Variants in CSMD1 observed in about 807,000 individuals in gnomAD.
The protein encoded by CSMD1 is CUB and sushi domain-containing protein 1.
A neutral mutation model predicts 417.5 loss-of-function variants in CSMD1; 213 were observed. The ratio of observed to expected loss-of-function variants is 0.51; its 90% CI spans 0.46 to 0.57. The LOEUF (loss-of-function observed/expected upper bound fraction) is 0.57. Among genes scored for constraint, CSMD1 ranks in the 20% least tolerant of loss-of-function variants. The pLI, the probability that CSMD1 is intolerant of heterozygous loss-of-function variation, is 0.00. For synonymous variants in CSMD1, 2,862 were observed against 1,736.8 expected, an observed-to-expected ratio of 1.65 and a Z score of -16.11; for missense variants, 6,923 against 4,529.7, an observed-to-expected ratio of 1.53 and a Z score of -15.17.
At chr8:4,810,760 A>C (rs1798851134) in intron 1 of CSMD1, among the ~76,000 whole-genome samples, 1 of 152,236 alleles carries the variant, frequency 6.6e-6, no homozygotes, top group African/African-American at 2.4e-5. Context: ...GAAATAATTG[A>C]AAAAGCTGAA....
chr8:4,680,259 T>G (rs1198467881), intron 1 of CSMD1, among the ~76,000 whole-genome samples: 3 of 152,190 alleles, frequency 2.0e-5, no homozygotes, highest in Non-Finnish European at 2.9e-5. Flanking sequence ...CAAAAATACA[T>G]GTTATGTTAT....
chr8:4,363,161 T>A (rs887562765), intron 3 of CSMD1, among the ~76,000 whole-genome samples: 2 of 152,220 alleles, frequency 1.3e-5, no homozygotes, highest in African/African-American at 4.8e-5. Flanking sequence ...GTTTCAAACA[T>A]ACCTAAACAG....
chr8:3,797,723 A>G (rs570071756), intron 5 of CSMD1, among the ~76,000 whole-genome samples: 208 of 152,082 alleles, frequency 1.4e-3, no homozygotes, highest in Admixed American at 2.6e-3. Flanking sequence ...GCTGCTATAC[A>G]TATTCTTATA....
At chr8:3,548,794 C>A (rs76916776) in intron 10 of CSMD1, among the ~76,000 whole-genome samples, 9,540 of 151,836 alleles carry the variant, frequency 0.063, 626 homozygotes, top group African/African-American at 0.16. Context: ...TAACCACCTT[C>A]TCAGGTTTCT....
intron 4 of CSMD1, among the ~76,000 whole-genome samples, chr8:4,024,914 T>C (rs1259008021): frequency 1.3e-5 from 2 of 150,594 alleles, no homozygotes; most frequent in Non-Finnish European, 3.0e-5. Flanking sequence ...AATGAAAGCA[T>C]GTAAAAAGGT....
At chr8:3,769,781 A>G (rs1017588197) in intron 5 of CSMD1, among the ~76,000 whole-genome samples, 4 of 152,144 alleles carry the variant, frequency 2.6e-5, no homozygotes, top group African/African-American at 4.8e-5. Flanking sequence ...TCACAGTCTC[A>G]TAAGTTTTAT....
chr8:3,790,109 G>C (rs985243765), intron 5 of CSMD1, among the ~76,000 whole-genome samples: 1 of 152,166 alleles, frequency 6.6e-6, no homozygotes, highest in Non-Finnish European at 1.5e-5. Context: ...GAAAGTGTTA[G>C]CTGCTTATAG....
At chr8:4,685,659 A>C (rs1171084059) in intron 1 of CSMD1, among the ~76,000 whole-genome samples, 1 of 152,238 alleles carries the variant, frequency 6.6e-6, no homozygotes, top group Non-Finnish European at 1.5e-5. Context: ...GAAACTTCAC[A>C]GGAAACAAAA....
chr8:4,365,535 A>G (rs1485977773), intron 3 of CSMD1, among the ~76,000 whole-genome samples: 5 of 152,228 alleles, frequency 3.3e-5, no homozygotes, highest in African/African-American at 1.2e-4. Flanking sequence ...TCCCTGTGAT[A>G]TCAGAGACAG....
At chr8:4,003,997 G>T (rs1053396136) in intron 4 of CSMD1, among the ~76,000 whole-genome samples, 14 of 151,908 alleles carry the variant, frequency 9.2e-5, no homozygotes, top group African/African-American at 3.4e-4. Flanking sequence ...GAAAATATAT[G>T]ATCAACTAAA....
At chr8:4,308,567 G>A (rs1387706634) in intron 3 of CSMD1, among the ~76,000 whole-genome samples, 2 of 152,190 alleles carry the variant, frequency 1.3e-5, no homozygotes, top group African/African-American at 4.8e-5. Context: ...ATATCTTCCT[G>A]TGCTCTTACA....
At chr8:3,487,333 A>G (rs62474229) in intron 11 of CSMD1, among the ~76,000 whole-genome samples, 27,593 of 151,740 alleles carry the variant, frequency 0.18, 2,512 homozygotes, top group East Asian at 0.23. Context: ...TCCCAAGTAG[A>G]TGGGACTACA....
At chr8:3,224,686 A>C (rs1479649792) in intron 27 of CSMD1, among the ~76,000 whole-genome samples, 1 of 152,210 alleles carries the variant, frequency 6.6e-6, no homozygotes, top group Non-Finnish European at 1.5e-5. Flanking sequence ...GAAGTCATCA[A>C]TTTTGAATTA....
intron 2 of CSMD1, among the ~76,000 whole-genome samples, chr8:4,568,978 ATTTG>A (rs1331196360): frequency 2.0e-5 from 3 of 151,984 alleles, no homozygotes; most frequent in Admixed American, 2.0e-4. Flanking sequence ...TTTCTTGTAA[ATTTG>A]TTTAAGTTCC....
At chr8:3,709,678 A>ATCTTTTTTTTTTTTTTTTTTTTTTTTTTT (rs1563296488) in intron 6 of CSMD1, among the ~76,000 whole-genome samples, 1 of 24,322 alleles carries the variant, frequency 4.1e-5, no homozygotes. Flanking sequence ...TTGCAGCAGC[A>ATCTTTTTTTTTTTTTTTTTTTTTTTTTTT]TGTTTTTTTT....
chr8:3,624,959 T>A (rs915013647), intron 7 of CSMD1, among the ~76,000 whole-genome samples: 2 of 152,170 alleles, frequency 1.3e-5, no homozygotes, highest in Non-Finnish European at 2.9e-5. Context: ...CTTGATTAGA[T>A]GACAATTTGA....
intron 3 of CSMD1, among the ~76,000 whole-genome samples, chr8:4,225,683 A>G (rs946982032): frequency 4.6e-5 from 7 of 152,154 alleles, no homozygotes; most frequent in African/African-American, 9.7e-5. Context: ...GCCTTAGGAA[A>G]CTGTCTCACC....
At chr8:2,949,496 C>T (rs1014592179) in intron 67 of CSMD1, 110 bp from the exon 68 acceptor site, 8 of 499,054 alleles carry the variant, frequency 1.6e-5, no homozygotes, top group African/African-American at 1.6e-4. Context: ...TATTTAGATA[C>T]TACTGGTTAA....
At chr8:3,168,344 A>G (rs1451955540) in intron 37 of CSMD1, among the ~76,000 whole-genome samples, 1 of 152,200 alleles carries the variant, frequency 6.6e-6, no homozygotes, top group Non-Finnish European at 1.5e-5. Flanking sequence ...CACACGACAC[A>G]CAGATGAAAA....
Sources: gnomAD v4.1 joint callset for allele counts (sites outside exome capture counted in the v4.1 genomes callset) on GRCh38, gnomAD v4.1.1 for gene constraint, MANE v1.5 for transcripts, NCBI Gene and HGNC (gene_info 2026-07-23, HGNC 2026-07-21) for gene names.